AIG1: variants seen among roughly 807,000 people sequenced by gnomAD.
AIG1 encodes the protein androgen induced 1.
In AIG1, 23 loss-of-function variants were observed where a neutral mutation model predicts 31.4. The observed-to-expected ratio is 0.73, with a 90% CI of 0.53 to 1.04. The LOEUF (loss-of-function observed/expected upper bound fraction) is 1.04, where lower values mean the gene tolerates loss of function less well. AIG1 is among the 50% of genes least tolerant of loss of function. The pLI is 0.00. For synonymous variants in AIG1, 100 were observed against 110.5 expected (o/e 0.90, Z 0.60); for missense variants, 274 against 295.0 (o/e 0.93, Z 0.52).
intron 3 of AIG1, among the ~76,000 whole-genome samples, chr6:143,253,140 G>T (rs1051384078): frequency 6.6e-6 from 1 of 152,174 alleles, no homozygotes; most frequent in Non-Finnish European, 1.5e-5. Context: ...TAGGCCAGCC[G>T]CACTCGAGGG....
chr6:143,264,315 C>G (rs1796006115), intron 3 of AIG1, among the ~76,000 whole-genome samples: 1 of 152,028 alleles, frequency 6.6e-6, no homozygotes, highest in African/African-American at 2.4e-5. Context: ...TTTGCATTTT[C>G]TTTTGTCTGG....
chr6:143,315,511 G>C (rs750208611), intron 4 of AIG1, among the ~76,000 whole-genome samples: 1 of 152,054 alleles, frequency 6.6e-6, no homozygotes, highest in African/African-American at 2.4e-5. Context: ...GCTAGAAATA[G>C]ACTCTCACAA....
At chr6:143,188,769 C>G (rs1435225478) in intron 3 of AIG1, 2 of 985,260 alleles carry the variant, frequency 2.0e-6, no homozygotes, top group Non-Finnish European at 2.4e-6. Context: ...CAAAGTAATC[C>G]TGGGAAACAT....
chr6:143,328,792 C>A lies in AIG1; in HGVS notation c.516-4490C>A, dbSNP rs1776824871. On this transcript the variant is annotated intron_variant, in intron 4 of 5. Coordinates refer to ENST00000357847, the MANE Select transcript of AIG1 (RefSeq NM_016108.4). This position sits in a 1 kb window ranked among gnomAD's most constrained non-coding sequence, Gnocchi z 4.0. ...ACGGAGGTACATTTAATAAAATAGA[C>A]CATCCAAAAATCTTATTATGCTAAT... Among the ~76,000 whole-genome samples, 1 of 152,038 alleles carries A rather than the reference C, an allele frequency of 6.6e-6. No homozygotes were observed. The highest frequency in any genetic ancestry group is 1.5e-5 in the Non-Finnish European group (1 of 68,010).
intron 1 of AIG1, 101 bp downstream of exon 1, chr6:143,061,167 C>A: frequency 7.0e-7 from 1 of 1,426,992 alleles, no homozygotes; most frequent in Non-Finnish European, 9.8e-7. Flanking sequence ...AGCACCTGCG[C>A]ACGTGCGCGC....
intron 3 of AIG1, chr6:143,187,761 C>G (rs1789403590): frequency 6.6e-7 from 1 of 1,522,564 alleles, no homozygotes; most frequent in African/African-American, 1.4e-5. Flanking sequence ...TGCTGCTCTG[C>G]ACAAGAAGGA....
intron 3 of AIG1, among the ~76,000 whole-genome samples, chr6:143,218,679 G>A (rs1343676956): frequency 1.3e-5 from 2 of 152,142 alleles, no homozygotes; most frequent in East Asian, 1.9e-4. Flanking sequence ...ACAAGATGGC[G>A]ATTCTTAAAA....
chr6:143,134,714 G>A (rs559159519), intron 1 of AIG1, among the ~76,000 whole-genome samples: 34 of 152,086 alleles, frequency 2.2e-4, no homozygotes, highest in African/African-American at 7.9e-4. Context: ...CTTTATGCTG[G>A]TGTGAAAGTG....
rs1477737963 is a variant in AIG1 at position 143,338,967 on chromosome 6, C to T, written c.680-672C>T. 3.9e-5 allele frequency: 6 copies of T among 152,074 alleles called. No individual in the cohort carries two copies. The highest frequency in any genetic ancestry group is 1.4e-4 in the African/African-American group (6 of 41,424). The allele number at this position is 152,074 out of a possible 1,614,324, so 9.4% of individuals were successfully genotyped here. A position where few individuals can be genotyped will look rare whatever the true frequency, so the allele number is the denominator to read the frequency against. On this transcript the variant is annotated intron_variant, in intron 5 of 5. Transcript: ENST00000357847. The surrounding 1 kb of genome is among the most constrained non-coding windows in gnomAD (Gnocchi z 4.3). ...TGATGAACATTTTCATCTTCAGGAA[C>T]ATGAAACATCATCGACTATTCTCTA...
In AIG1 at chr6:143,256,007, A is replaced by AT. The variant is rs1795354047; in HGVS notation, c.400-28099dup. Among the ~76,000 whole-genome samples the AT allele has an allele frequency of 6.6e-6, 1 of 152,156 alleles. No individual in the cohort carries two copies. The highest frequency in any genetic ancestry group is 2.4e-5 in the African/African-American group (1 of 41,438). On this transcript the variant is annotated intron_variant, in intron 3 of 5. Coordinates refer to ENST00000357847, the MANE Select transcript of AIG1 (RefSeq NM_016108.4). This position sits in a 1 kb window ranked among gnomAD's most constrained non-coding sequence, Gnocchi z 4.6. The stretch of plus-strand genomic sequence containing the variant: ...AGTTGTCTAAAATTATGACATAGTT[A>AT]TTTTCATTATTGTACAGTTTTGGAG...
rs532869922 is a variant in AIG1 at position 143,332,472 on chromosome 6, A to G, written c.516-810A>G. ...ACTGAGTCAAAAATATTTCTGGAAC[A>G]CAAAGAGAATGATTAAGTAAGAATG... On this transcript the variant is annotated intron_variant, in intron 4 of 5. Coordinates refer to ENST00000357847, the MANE Select transcript of AIG1 (RefSeq NM_016108.4). 1.3e-4 allele frequency among the ~76,000 whole-genome samples: 20 copies of G among 152,348 alleles called. No individual in the cohort carries two copies. In the South Asian group the frequency reaches 3.7e-3, roughly 28 times the overall value.
intron 1 of AIG1, among the ~76,000 whole-genome samples, chr6:143,134,926 T>C (rs1783600171): frequency 6.6e-6 from 1 of 152,098 alleles, no homozygotes; most frequent in South Asian, 2.1e-4. Context: ...TATGCTATTC[T>C]ATAGGTCGGG....
chr6:143,155,803 GA>G (rs1163215187), intron 2 of AIG1, among the ~76,000 whole-genome samples: 1 of 152,194 alleles, frequency 6.6e-6, no homozygotes, highest in Non-Finnish European at 1.5e-5. Flanking sequence ...ACTGGAAGGG[GA>G]CTGGGAAGAG....
chr6:143,166,904 C>G (rs138999257), intron 3 of AIG1, among the ~76,000 whole-genome samples: 2,224 of 152,302 alleles, frequency 0.015, 24 homozygotes, highest in Non-Finnish European at 0.024. Context: ...CCAGGCCTAT[C>G]TGGCCTCAAA....
chr6:143,335,857 G>A (rs766846219), intron 5 of AIG1, among the ~76,000 whole-genome samples: 2 of 150,312 alleles, frequency 1.3e-5, no homozygotes, highest in Middle Eastern at 3.5e-3. Context: ...GCTAAGGCAC[G>A]AGAATCGCTT....
At chr6:143,093,548 T>C (rs867686491) in intron 1 of AIG1, among the ~76,000 whole-genome samples, 5 of 152,388 alleles carry the variant, frequency 3.3e-5, no homozygotes, top group Admixed American at 6.5e-5. Context: ...GTAGTACTTT[T>C]AATTTCTTTC....
intron 3 of AIG1, among the ~76,000 whole-genome samples, chr6:143,234,114 C>T (rs1419892933): frequency 6.6e-6 from 1 of 152,148 alleles, no homozygotes; most frequent in African/African-American, 2.4e-5. Flanking sequence ...CCCCCCTAAA[C>T]ACACCTCTGC....
At chr6:143,075,427 C>A (rs1040151813) in intron 1 of AIG1, among the ~76,000 whole-genome samples, 5 of 152,118 alleles carry the variant, frequency 3.3e-5, no homozygotes, top group Non-Finnish European at 7.4e-5. Flanking sequence ...CCTCAGCCCC[C>A]CAAGTAGCAG....
At chr6:143,232,106 A>G (rs1180419320) in intron 3 of AIG1, among the ~76,000 whole-genome samples, 1 of 152,212 alleles carries the variant, frequency 6.6e-6, no homozygotes, top group African/African-American at 2.4e-5. Context: ...TCCTCTGGCA[A>G]ATGTGTGAAG....
Sources: gnomAD v4.1 joint callset for allele counts (sites outside exome capture counted in the v4.1 genomes callset) on GRCh38, gnomAD v4.1.1 for gene constraint, Gnocchi (gnomAD v3.1) non-coding constraint, MANE v1.5 for transcripts, NCBI Gene and HGNC (gene_info 2026-07-23, HGNC 2026-07-21) for gene names.